Variants in MAML2 observed in about 807,000 individuals in gnomAD.
MAML2 encodes the protein mastermind like transcriptional coactivator 2.
In MAML2, 22 loss-of-function variants were observed where a neutral mutation model predicts 96.1. That is an observed-to-expected ratio of 0.23 (90% CI 0.16 to 0.33). The LOEUF is 0.33. Among genes scored for constraint, MAML2 ranks in the 10% least tolerant of loss-of-function variants. MAML2 has a pLI of 1.00. For synonymous variants in MAML2, 561 were observed against 521.3 expected, an observed-to-expected ratio of 1.08 and a Z score of -1.04; for missense variants, 1,367 against 1,392.4, an observed-to-expected ratio of 0.98 and a Z score of 0.29.
chr11:96,119,924 A>T (rs1008961141), intron 1 of MAML2, among the ~76,000 whole-genome samples: 2 of 151,754 alleles, frequency 1.3e-5, no homozygotes, highest in Admixed American at 1.3e-4. Context: ...CTACAATAGT[A>T]GTCTGACAAA....
At chr11:96,233,923 TGGCCAGGTGG>T (rs1862331244) in intron 1 of MAML2, among the ~76,000 whole-genome samples, 1 of 152,154 alleles carries the variant, frequency 6.6e-6, no homozygotes, top group Non-Finnish European at 1.5e-5. Flanking sequence ...GAAGAAGTGG[TGGCCAGGTGG>T]GCCTCCAAAA....
chr11:96,022,529 A>T (rs1044555008), intron 2 of MAML2, among the ~76,000 whole-genome samples: 1 of 152,186 alleles, frequency 6.6e-6, no homozygotes, highest in African/African-American at 2.4e-5. Context: ...ACTGGGGCCC[A>T]TAAGCATATG....
chr11:95,979,951 G>T lies in MAML2; in HGVS notation c.2468C>A (p.Thr823Lys), dbSNP rs1490290791. The T allele has an allele frequency of 1.2e-6, 2 of 1,611,250 alleles. No individual in the cohort carries two copies. Among genetic ancestry groups the T allele is most frequent in the Non-Finnish European group, 1.7e-6 (2 of 1,178,658 alleles). Residue 823 changes from threonine (T) to lysine (K), a missense_variant, in exon 5 of 5, where the codon ACA becomes AAA. Coordinates refer to ENST00000524717, the MANE Select transcript of MAML2 (RefSeq NM_032427.4). ...PTAQYSGGSS[T>K]ISLNSNQALA... ...AGCCTGGTTAGAGTTTAAGCTTATT[G>T]TGGATGAGCCACCTGAGAAAAAGAA...
intron 1 of MAML2, among the ~76,000 whole-genome samples, chr11:96,206,988 G>A (rs539677400): frequency 5.9e-4 from 90 of 152,152 alleles, no homozygotes; most frequent in Non-Finnish European, 1.0e-3. Context: ...AAATATCATC[G>A]CCCAACCTCC....
intron 1 of MAML2, among the ~76,000 whole-genome samples, chr11:96,202,753 C>T (rs889899603): frequency 3.3e-5 from 5 of 152,048 alleles, no homozygotes; most frequent in Middle Eastern, 3.4e-3. Context: ...CTTAGCCTCC[C>T]GAGTAGCTGG....
At chr11:96,112,400 C>A (rs1591020271) in intron 1 of MAML2, among the ~76,000 whole-genome samples, 1 of 152,264 alleles carries the variant, frequency 6.6e-6, no homozygotes, top group African/African-American at 2.4e-5. Context: ...GGGCCTGCCT[C>A]TCAGAGGCCC....
At chr11:96,221,927 A>C (rs964448556) in intron 1 of MAML2, among the ~76,000 whole-genome samples, 1 of 152,048 alleles carries the variant, frequency 6.6e-6, no homozygotes, top group African/African-American at 2.4e-5. Flanking sequence ...TACGGTTTTC[A>C]TTCCCTATTT....
At chr11:96,200,092 T>A (rs186237178) in intron 1 of MAML2, among the ~76,000 whole-genome samples, 49 of 152,298 alleles carry the variant, frequency 3.2e-4, no homozygotes, top group Admixed American at 7.2e-4. Context: ...ACTACTTTAG[T>A]ATCAGAGGAA....
chr11:96,161,663 T>A (rs1861105701), intron 1 of MAML2, among the ~76,000 whole-genome samples: 1 of 152,224 alleles, frequency 6.6e-6, no homozygotes, highest in Non-Finnish European at 1.5e-5. Flanking sequence ...TATTTAAGAT[T>A]GTTTTGTTTC....
intron 1 of MAML2, among the ~76,000 whole-genome samples, chr11:96,118,902 C>A (rs1317837016): frequency 6.6e-6 from 1 of 152,018 alleles, no homozygotes; most frequent in Non-Finnish European, 1.5e-5. Context: ...CCCCCTTTAA[C>A]CTTTACTCTT....
At chr11:95,988,832 T>C (rs1857867815) in intron 3 of MAML2, among the ~76,000 whole-genome samples, 1 of 152,094 alleles carries the variant, frequency 6.6e-6, no homozygotes, top group African/African-American at 2.4e-5. Flanking sequence ...AGAATACTTT[T>C]ATGCAATATG....
At chr11:96,039,930 C>T (rs776560311) in intron 2 of MAML2, among the ~76,000 whole-genome samples, 19 of 148,362 alleles carry the variant, frequency 1.3e-4, no homozygotes, top group East Asian at 2.0e-4. Context: ...TGCACTCCAG[C>T]CTGAGCGACA....
chr11:96,307,791 T>G (rs987446614), intron 1 of MAML2, among the ~76,000 whole-genome samples: 3 of 152,206 alleles, frequency 2.0e-5, no homozygotes, highest in Non-Finnish European at 4.4e-5. Flanking sequence ...AAAAAGTGTC[T>G]GGGCTCCCAC....
chr11:96,124,666 T>G (rs115539931), intron 1 of MAML2, among the ~76,000 whole-genome samples: 1,744 of 152,236 alleles, frequency 0.011, 36 homozygotes, highest in African/African-American at 0.04. Context: ...TATGATTTTG[T>G]CTATTTAAAC....
At chr11:96,251,771 A>T (rs1862585198) in intron 1 of MAML2, among the ~76,000 whole-genome samples, 1 of 147,974 alleles carries the variant, frequency 6.8e-6, no homozygotes, top group East Asian at 2.0e-4. Flanking sequence ...TCACTCTGTC[A>T]CCCAGGCTGG....
chr11:96,005,263 TTC>T (rs397848818), intron 2 of MAML2, among the ~76,000 whole-genome samples: 56 of 89,462 alleles, frequency 6.3e-4, no homozygotes, highest in Non-Finnish European at 1.1e-3. Flanking sequence ...CAATTTTTAC[TTC>T]TTATCACGTA....
chr11:96,154,472 TC>T (rs1860978737), intron 1 of MAML2, among the ~76,000 whole-genome samples: 1 of 152,256 alleles, frequency 6.6e-6, no homozygotes, highest in Admixed American at 6.5e-5. Flanking sequence ...GCAGCTTTTA[TC>T]TGCATATCAT....
chr11:96,011,858 T>C (rs546037037), intron 2 of MAML2, among the ~76,000 whole-genome samples: 6 of 152,358 alleles, frequency 3.9e-5, no homozygotes, highest in African/African-American at 1.4e-4. Flanking sequence ...GTTTAAGAAT[T>C]TGGTTTGCAA....
intron 1 of MAML2, among the ~76,000 whole-genome samples, chr11:96,112,852 CA>C (rs1407973242): frequency 1.3e-5 from 2 of 152,044 alleles, no homozygotes; most frequent in African/African-American, 2.4e-5. Context: ...CAGAAAGAAA[CA>C]GAAAAAGAAA....
Sources: allele counts gnomAD v4.1 joint callset (sites outside exome capture counted in the v4.1 genomes callset), GRCh38; gene constraint gnomAD v4.1.1; transcripts MANE v1.5; gene names NCBI Gene and HGNC (gene_info 2026-07-23, HGNC 2026-07-21).